Variants in CAMTA1 observed in about 807,000 individuals in gnomAD.
The protein encoded by CAMTA1 is calmodulin-binding transcription activator 1.
In CAMTA1, 27 loss-of-function variants were observed where a neutral mutation model predicts 170.9. That is an observed-to-expected ratio of 0.16 (90% CI 0.12 to 0.22). CAMTA1 has a LOEUF of 0.22. CAMTA1 is among the 10% of genes least tolerant of loss of function. The probability of loss-of-function intolerance (pLI) is 1.00; values close to 1 mark genes in which losing one functional copy is unlikely to be tolerated. For synonymous variants in CAMTA1, 833 were observed against 891.5 expected (o/e 0.93, Z 1.17); for missense variants, 1,619 against 2,217.2 (o/e 0.73, Z 5.42).
chr1:6,977,802 A>T (rs912782661), intron 3 of CAMTA1, among the ~76,000 whole-genome samples: 1 of 152,224 alleles, frequency 6.6e-6, no homozygotes, highest in Non-Finnish European at 1.5e-5. Context: ...CCTGGGTTTT[A>T]AAAAATTTTC....
In CAMTA1 at chr1:7,316,917, G is replaced by A. The variant is rs1336744008; in HGVS notation, c.438+67291G>A. Among the ~76,000 whole-genome samples the A allele has an allele frequency of 3.3e-5, 5 of 152,282 alleles. No individual in the cohort carries two copies. In the East Asian group the frequency reaches 5.8e-4, roughly 18 times the overall value. Reference sequence around the variant, plus strand: ...GGGGTACAGCAGTGTATGGGAGAGCGGCAGAGAGTAAGAGAGCACCTATTT... The same window carrying A: ...GGGGTACAGCAGTGTATGGGAGAGCAGCAGAGAGTAAGAGAGCACCTATTT... On this transcript the variant is annotated intron_variant, in intron 5 of 22. Transcript: ENST00000303635.
In CAMTA1 at chr1:7,668,537, G is replaced by A. The variant is rs115303638; in HGVS notation, c.2653-2374G>A. Among the ~76,000 whole-genome samples, 1,176 of 151,794 alleles carry A rather than the reference G, an allele frequency of 7.7e-3. 19 individuals carry two copies. The highest frequency in any genetic ancestry group is 0.025 in the African/African-American group (1,048 of 41,362). On this transcript the variant is annotated intron_variant, in intron 9 of 22. Transcript: ENST00000303635. ...ACTCAGAGACCTCAGATGGCATTTC[G>A]TGCCCCCTCCCCACCCCCAAAACCC...
At chr1:6,954,614 TGATAAAAGACTCTCA>T (rs1316942739) in intron 3 of CAMTA1, among the ~76,000 whole-genome samples, 1 of 152,128 alleles carries the variant, frequency 6.6e-6, no homozygotes, top group Non-Finnish European at 1.5e-5. Context: ...GCCAATGAGA[TGATAAAAGACTCTCA>T]GAGGTTAAGG....
chr1:7,677,449 C>A, intron 10 of CAMTA1, 150 bp from the exon 11 acceptor site: 1 of 923,472 alleles, frequency 1.1e-6, no homozygotes, highest in Non-Finnish European at 1.6e-6. Context: ...GTGTTTGGGC[C>A]TCGAATGAGC....
At chr1:7,188,112 A>C (rs1442417465) in intron 4 of CAMTA1, among the ~76,000 whole-genome samples, 1 of 152,030 alleles carries the variant, frequency 6.6e-6, no homozygotes, top group African/African-American at 2.4e-5. Flanking sequence ...AAAACCATCA[A>C]ATCTCACGAG....
At chr1:7,615,288 G>A (rs549929972) in intron 6 of CAMTA1, among the ~76,000 whole-genome samples, 4 of 152,286 alleles carry the variant, frequency 2.6e-5, no homozygotes, top group Admixed American at 1.3e-4. Context: ...TGGCAAGAAG[G>A]GCAATGCAGG....
rs1638881666 is a variant in CAMTA1, at chr1:6,785,530, G to A, written c.-1G>A. On this transcript the variant is annotated 5_prime_UTR_variant, in exon 1 of 23. Coordinates refer to ENST00000303635, the MANE Select transcript of CAMTA1 (RefSeq NM_015215.4). ...GGGTCCCGGTCGCGAGGAGGAGGAG[G>A]ATGTGGCGCGCGGAGGGGAAATGGC... 6.5e-6 allele frequency: 7 copies of A among 1,078,042 alleles called. No individual in the cohort carries two copies. The highest frequency in any genetic ancestry group is 8.0e-6 in the Non-Finnish European group (7 of 873,306). 66.8% of individuals were successfully genotyped at this position (1,078,042 alleles called of 1,614,324 possible). A position where few individuals can be genotyped will look rare whatever the true frequency, so the allele number is the denominator to read the frequency against.
At chr1:7,587,424 C>T (rs1455690116) in intron 6 of CAMTA1, among the ~76,000 whole-genome samples, 4 of 152,088 alleles carry the variant, frequency 2.6e-5, no homozygotes, top group Non-Finnish European at 4.4e-5. Flanking sequence ...TGCGGTGAGT[C>T]GGCAGCACGC....
At chr1:7,187,614 T>C (rs1285163641) in intron 4 of CAMTA1, among the ~76,000 whole-genome samples, 3 of 152,222 alleles carry the variant, frequency 2.0e-5, no homozygotes, top group Non-Finnish European at 1.5e-5. Flanking sequence ...ATGAATATAA[T>C]ATTTTTAACA....
rs570087618 is a variant in CAMTA1 at position 7,100,356 on chromosome 1, T to A, written c.302+8985T>A. 2.0e-3 allele frequency among the ~76,000 whole-genome samples: 309 copies of A among 152,306 alleles called. 1 individual carries two copies. Among genetic ancestry groups the A allele is most frequent in the Non-Finnish European group, 3.6e-3 (242 of 68,016 alleles). On this transcript the variant is annotated intron_variant, in intron 4 of 22. Transcript: ENST00000303635. The stretch of plus-strand genomic sequence containing the variant: ...GTCACTGGTGAAGATGAGCGATGCT[T>A]AGTCCTCCCTGTGAGCCCTGTTTCT...
intron 4 of CAMTA1, among the ~76,000 whole-genome samples, chr1:7,106,220 G>A (rs569340711): frequency 3.2e-4 from 49 of 151,806 alleles, no homozygotes; most frequent in African/African-American, 1.1e-3. Flanking sequence ...TGCAAAGTAG[G>A]TAATGCCTGG....
At chr1:6,899,404 T>C (rs1023470448) in intron 3 of CAMTA1, among the ~76,000 whole-genome samples, 2 of 152,256 alleles carry the variant, frequency 1.3e-5, no homozygotes, top group Non-Finnish European at 2.9e-5. Context: ...TAGGGCTGGG[T>C]ATACAATCAG....
At chr1:7,211,525 G>T (rs1658748956) in intron 4 of CAMTA1, among the ~76,000 whole-genome samples, 1 of 152,220 alleles carries the variant, frequency 6.6e-6, no homozygotes, top group African/African-American at 2.4e-5. Flanking sequence ...GTATAAGGAT[G>T]ATTTCACTCA....
intron 7 of CAMTA1, among the ~76,000 whole-genome samples, chr1:7,656,875 T>A (rs1440259805): frequency 6.6e-6 from 1 of 152,262 alleles, no homozygotes; most frequent in Non-Finnish European, 1.5e-5. Context: ...GCTGCTGCCT[T>A]GCCAGGGGCC....
intron 7 of CAMTA1, among the ~76,000 whole-genome samples, chr1:7,643,752 C>G (rs539771735): frequency 9.2e-5 from 14 of 152,246 alleles, no homozygotes; most frequent in Non-Finnish European, 1.5e-4. Context: ...GAAGCAGAGC[C>G]GCACACAATT....
chr1:7,526,793 A>G (rs888852961), intron 6 of CAMTA1, among the ~76,000 whole-genome samples: 5 of 152,184 alleles, frequency 3.3e-5, no homozygotes, highest in Non-Finnish European at 5.9e-5. Context: ...CCAGGCTGAC[A>G]TGAGGAGGCC....
intron 1 of CAMTA1, among the ~76,000 whole-genome samples, chr1:6,799,670 TC>T (rs1330938073): frequency 6.6e-6 from 1 of 152,194 alleles, no homozygotes; most frequent in Non-Finnish European, 1.5e-5. Context: ...CCTCGAAAGT[TC>T]CTTCCCATTA....
intron 4 of CAMTA1, among the ~76,000 whole-genome samples, chr1:7,236,676 T>G (rs1448173652): frequency 6.6e-6 from 1 of 152,082 alleles, no homozygotes; most frequent in East Asian, 1.9e-4. Flanking sequence ...GGAACATGGG[T>G]GTAAAGGGCC....
At chr1:7,492,626 C>CACAT (rs1174351686) in intron 6 of CAMTA1, among the ~76,000 whole-genome samples, 2 of 150,100 alleles carry the variant, frequency 1.3e-5, no homozygotes, top group African/African-American at 4.9e-5. Context: ...TGTACATACA[C>CACAT]GCGCACACAA....
Sources: gnomAD v4.1 joint callset for allele counts (sites outside exome capture counted in the v4.1 genomes callset) on GRCh38, gnomAD v4.1.1 for gene constraint, MANE v1.5 for transcripts, NCBI Gene and HGNC (gene_info 2026-07-23, HGNC 2026-07-21) for gene names.